The following KLHDC2 variants were observed in gnomAD, a reference collection of about 807,000 sequenced individuals.
The protein encoded by KLHDC2 is kelch domain containing 2, also known as kelch domain-containing protein 2.
Under a neutral mutation model 62.3 loss-of-function variants are expected in KLHDC2, and 38 were observed. The ratio of observed to expected loss-of-function variants is 0.61; its 90% CI spans 0.47 to 0.80. The LOEUF is 0.80. Among genes scored for constraint, KLHDC2 ranks in the 30% least tolerant of loss-of-function variants. KLHDC2 has a pLI of 0.00. For synonymous variants in KLHDC2, 159 were observed against 161.0 expected (o/e 0.99, Z 0.09); for missense variants, 430 against 495.3 (o/e 0.87, Z 1.25).
Position 49,782,981 on chromosome 14 carries a change from C to T in KLHDC2, c.*28C>T, listed in dbSNP as rs1889980797. On this transcript the variant is annotated 3_prime_UTR_variant, in exon 13 of 13. Coordinates refer to ENST00000298307, the MANE Select transcript of KLHDC2 (RefSeq NM_014315.3). ...CTTCATAAATAATGCCTATGATCAC[C>T]TTGCATGGACAGCAATCCTGTAAAC... 2 of 1,601,718 alleles carry T rather than the reference C, an allele frequency of 1.2e-6. No individual in the cohort carries two copies. Among genetic ancestry groups the T allele is most frequent in the African/African-American group, 1.3e-5 (1 of 74,462 alleles).
intron 1 of KLHDC2, 23 bp from the exon 2 acceptor site, chr14:49,771,571 T>C: frequency 9.5e-7 from 1 of 1,054,786 alleles, no homozygotes. Flanking sequence ...AGTTTTTATA[T>C]TTACAATTTT....
Position 49,771,644 on chromosome 14 carries a change from A to C in KLHDC2, c.204A>C (p.Leu68=), listed in dbSNP as rs138622163. Residue 68 remains leucine, a synonymous_variant, in exon 2 of 13, where the codon CTA becomes CTC. Coordinates refer to ENST00000298307, the MANE Select transcript of KLHDC2 (RefSeq NM_014315.3). The stretch of plus-strand genomic sequence containing the variant: ...ACTTTTATCTGCCTAGAGAAGAACT[A>C]TGGATCTACAACATGGAGACTGGAA... ...LYDFYLPREE[L]WIYNMETGRW... is the part of the protein sequence containing the mutation. 6.5e-7 allele frequency: 1 copy of C among 1,529,026 alleles called. No homozygotes were observed. The highest frequency in any genetic ancestry group is 1.7e-5 in the Admixed American group (1 of 59,888). 94.7% of individuals were successfully genotyped at this position (1,529,026 alleles called of 1,614,324 possible). A position where few individuals can be genotyped will look rare whatever the true frequency, so the allele number is the denominator to read the frequency against.
chr14:49,779,489 T>C, intron 6 of KLHDC2, 106 bp from the exon 7 acceptor site: 1 of 774,510 alleles, frequency 1.3e-6, no homozygotes, highest in South Asian at 2.0e-5. Context: ...CTCCCAACTT[T>C]TAAAAGCTCA....
At position 49,773,681 on chromosome 14, in the gene KLHDC2, A is replaced by G. The variant is rs574995182; in HGVS notation, c.234-880A>G. Among the ~76,000 whole-genome samples, 8 of 146,430 alleles carry G rather than the reference A, an allele frequency of 5.5e-5. No individual in the cohort carries two copies. The South Asian group carries it at 1.7e-3, about 31-fold the overall frequency. On this transcript the variant is annotated intron_variant, in intron 2 of 12. Transcript: ENST00000298307. ...AAGCTCCGCCTCCTGGCTTCACACC[A>G]TTCTGTTGCCTCAGCCCCCTGAGTA...
In KLHDC2 at chr14:49,778,409, A is replaced by G. The variant is rs368361855; in HGVS notation, c.550-2A>G. The stretch of plus-strand genomic sequence containing the variant: ...AATAACGCGGATTCTTATTTTCTGT[A>G]GAATTCAAGTCATCCAAGAGGATGG... On this transcript the variant is annotated splice_acceptor_variant, in intron 5 of 12. Coordinates refer to ENST00000298307, the MANE Select transcript of KLHDC2 (RefSeq NM_014315.3). LOFTEE classifies it high-confidence loss of function. The G allele has an allele frequency of 6.5e-7, 1 of 1,536,776 alleles. No homozygotes were observed. Among genetic ancestry groups the G allele is most frequent in the Non-Finnish European group, 8.9e-7 (1 of 1,119,082 alleles).
Position 49,768,481 on chromosome 14 carries a change from A to C in KLHDC2, c.13A>C (p.Asn5His). Residue 5 changes from asparagine to histidine, a missense_variant, in exon 1 of 13, where the codon AAC (asparagine) becomes CAC (histidine). Asn to His is a moderately conservative substitution (Grantham distance 68, BLOSUM62 1). Coordinates refer to ENST00000298307, the MANE Select transcript of KLHDC2 (RefSeq NM_014315.3). MADG[N>H]EDLRADDLPG... Reference sequence around the variant, plus strand: ...GTGCAGCCTCAAGATGGCTGATGGCAACGAGGATCTGCGGGCTGACGACTT... The same window carrying C: ...GTGCAGCCTCAAGATGGCTGATGGCCACGAGGATCTGCGGGCTGACGACTT... 1 of 1,610,128 alleles carries C rather than the reference A, an allele frequency of 6.2e-7. No homozygotes were observed.
chr14:49,777,994 A>G (rs1442742189), intron 4 of KLHDC2, 40 bp downstream of exon 4: 1 of 1,277,080 alleles, frequency 7.8e-7, no homozygotes, highest in Non-Finnish European at 1.1e-6. Flanking sequence ...TTTATGTGTA[A>G]AGTGGTTTAC....
Position 49,784,662 on chromosome 14 carries a change from T to G in KLHDC2, c.*1709T>G. 3 of 1,611,496 alleles carry G rather than the reference T, an allele frequency of 1.9e-6. No individual in the cohort carries two copies. Among genetic ancestry groups the G allele is most frequent in the Non-Finnish European group, 2.5e-6 (3 of 1,178,854 alleles). Reference sequence around the variant, plus strand: ...TATTTCCTTTTTACGTTCAGAAGATTGGGTGCAGACACTTTCACTTTGCCA... The same window carrying G: ...TATTTCCTTTTTACGTTCAGAAGATGGGGTGCAGACACTTTCACTTTGCCA... On this transcript the variant is annotated 3_prime_UTR_variant, in exon 13 of 13. Coordinates refer to ENST00000298307, the MANE Select transcript of KLHDC2 (RefSeq NM_014315.3).
intron 2 of KLHDC2, among the ~76,000 whole-genome samples, chr14:49,772,351 G>A (rs145099631): frequency 3.4e-4 from 51 of 152,230 alleles, no homozygotes; most frequent in African/African-American, 1.1e-3. Context: ...AATAAAGGTG[G>A]TATTCTATTT....
chr14:49,777,072 A>G (rs1247891296), intron 3 of KLHDC2, among the ~76,000 whole-genome samples: 2 of 152,140 alleles, frequency 1.3e-5, no homozygotes, highest in Non-Finnish European at 1.5e-5. Context: ...CCGCCATAAG[A>G]AGGAACAAAA....
At chr14:49,779,492 A>C in intron 6 of KLHDC2, 103 bp from the exon 7 acceptor site, 1 of 792,512 alleles carries the variant, frequency 1.3e-6, no homozygotes, top group East Asian at 2.7e-5. Context: ...CCAACTTTTA[A>C]AAGCTCAAGT....
chr14:49,784,604 C>A lies in KLHDC2; in HGVS notation c.*1651C>A. The A allele has an allele frequency of 6.7e-7, 1 of 1,492,566 alleles. No homozygotes were observed. Among genetic ancestry groups the A allele is most frequent in the South Asian group, 1.2e-5 (1 of 85,238 alleles). 92.5% of individuals were successfully genotyped at this position (1,492,566 alleles called of 1,614,324 possible). A position where few individuals can be genotyped will look rare whatever the true frequency, so the allele number is the denominator to read the frequency against. ...AACTTCCAAAAGGCTATAAAATTGGCTCTTCTCAAATATTTTAGAATTTCA... is the reference window on the plus strand; with the variant it reads ...AACTTCCAAAAGGCTATAAAATTGGATCTTCTCAAATATTTTAGAATTTCA... On this transcript the variant is annotated 3_prime_UTR_variant, in exon 13 of 13. Transcript: ENST00000298307.
At position 49,775,540 on chromosome 14, in the gene KLHDC2, G is replaced by A. The variant is rs376645403; in HGVS notation, c.351+862G>A. On this transcript the variant is annotated intron_variant, in intron 3 of 12. Coordinates refer to ENST00000298307, the MANE Select transcript of KLHDC2 (RefSeq NM_014315.3). ...GAGGGAACAGAACAAGGAAAATCTT[G>A]ACCGAAGAGGTGATGCTTGAACTGA... Among the ~76,000 whole-genome samples the A allele has an allele frequency of 1.7e-4, 26 of 151,574 alleles. No homozygotes were observed. In the East Asian group the frequency reaches 4.7e-3, roughly 27 times the overall value.
At position 49,780,752 on chromosome 14, in the gene KLHDC2, T is replaced by G; in HGVS notation, c.933T>G (p.Asn311Lys). The G allele has an allele frequency of 2.5e-6, 4 of 1,603,628 alleles. No homozygotes were observed. The highest frequency in any genetic ancestry group is 3.4e-6 in the Non-Finnish European group (4 of 1,170,476). Residue 311 changes from asparagine (N) to lysine (K), a missense_variant, in exon 10 of 13, where the codon AAT becomes AAG. Transcript: ENST00000298307. ...CISKNEWIQF[N>K]HPYTEKPRLW... is the part of the protein sequence containing the mutation. ...GTAAAAATGAATGGATACAATTTAATCATCCATATACCGAAAAACCAAGGT... is the reference window on the plus strand; with the variant it reads ...GTAAAAATGAATGGATACAATTTAAGCATCCATATACCGAAAAACCAAGGT...
At position 49,771,523 on chromosome 14, in the gene KLHDC2, T is replaced by C. The variant is rs1206532240; in HGVS notation, c.154-71T>C. 9.7e-6 allele frequency: 7 copies of C among 720,606 alleles called. No homozygotes were observed. In the Admixed American group the frequency reaches 1.1e-4, roughly 11 times the overall value. 44.6% of individuals were successfully genotyped at this position (720,606 alleles called of 1,614,324 possible). A position where few individuals can be genotyped will look rare whatever the true frequency, so the allele number is the denominator to read the frequency against. On this transcript the variant is annotated intron_variant, in intron 1 of 12. Coordinates refer to ENST00000298307, the MANE Select transcript of KLHDC2 (RefSeq NM_014315.3). The stretch of plus-strand genomic sequence containing the variant: ...TAATTATGAAATTAGTATCTCAAGA[T>C]CGATTTAAAAAATACAGTAGTGCCT...
chr14:49,783,041 ATTG>A lies in KLHDC2; in HGVS notation c.*93_*95del, dbSNP rs1275420767. The A allele has an allele frequency of 2.9e-5, 41 of 1,401,934 alleles. No homozygotes were observed. The East Asian group carries it at 4.9e-4, about 17-fold the overall frequency. The allele number at this position is 1,401,934 out of a possible 1,614,324, so 86.8% of individuals were successfully genotyped here. On this transcript the variant is annotated 3_prime_UTR_variant, in exon 13 of 13. Coordinates refer to ENST00000298307, the MANE Select transcript of KLHDC2 (RefSeq NM_014315.3). ...TGGCATCATTTGTATAATTATATGC[ATTG>A]TTGTAGTTTGCACCTGTTGGTTTTA...
intron 10 of KLHDC2, 161 bp from the exon 11 acceptor site, chr14:49,782,209 C>A (rs1409253381): frequency 9.2e-6 from 5 of 542,018 alleles, no homozygotes; most frequent in Non-Finnish European, 1.7e-5. Flanking sequence ...ATTGATTGAT[C>A]TGCTTTTGCT....
At position 49,783,292 on chromosome 14, in the gene KLHDC2, T is replaced by A. The variant is rs1890000108; in HGVS notation, c.*339T>A. The A allele has an allele frequency of 5.9e-5, 2 of 33,710 alleles. No individual in the cohort carries two copies. Among genetic ancestry groups the A allele is most frequent in the South Asian group, 3.9e-3 (2 of 510 alleles). The allele number at this position is 33,710 out of a possible 1,614,324, so 2.1% of individuals were successfully genotyped here. A position where few individuals can be genotyped will look rare whatever the true frequency, so the allele number is the denominator to read the frequency against. On this transcript the variant is annotated 3_prime_UTR_variant, in exon 13 of 13. Coordinates refer to ENST00000298307, the MANE Select transcript of KLHDC2 (RefSeq NM_014315.3). ...TGCTGAAGTCATTTTTTGAAAACAT[T>A]ATAGATTTTTTTTTTTTTAATGGCA...
chr14:49,779,578 TTA>T lies in KLHDC2; in HGVS notation c.634-15_634-14del, dbSNP rs1566636817. On this transcript the variant is annotated splice_polypyrimidine_tract_variant and intron_variant, in intron 6 of 12. Coordinates refer to ENST00000298307, the MANE Select transcript of KLHDC2 (RefSeq NM_014315.3). ...GTTTATAAAAAGTTCACTAACTTGCTTATGTGCCTCTAATAGGGTAAAGCACC... is the reference window on the plus strand; with the variant it reads ...GTTTATAAAAAGTTCACTAACTTGCTTGTGCCTCTAATAGGGTAAAGCACC... 1 of 1,605,986 alleles carries T rather than the reference TTA, an allele frequency of 6.2e-7. No homozygotes were observed. Among genetic ancestry groups the T allele is most frequent in the Admixed American group, 1.7e-5 (1 of 59,658 alleles).
Sources: gnomAD v4.1 joint callset for allele counts (sites outside exome capture counted in the v4.1 genomes callset) on GRCh38, gnomAD v4.1.1 for gene constraint, MANE v1.5 for transcripts, NCBI Gene and HGNC (gene_info 2026-07-23, HGNC 2026-07-21) for gene names.